The following LHX8 variants were observed in gnomAD, a reference collection of about 807,000 sequenced individuals.
The protein encoded by LHX8 is LIM homeobox 8, also known as LIM/homeobox protein Lhx8.
Under a neutral mutation model 40.3 loss-of-function variants are expected in LHX8, and 12 were observed. That is an observed-to-expected ratio of 0.30 (90% CI 0.19 to 0.48). LHX8 has a LOEUF of 0.48. Among genes scored for constraint, LHX8 ranks in the 20% least tolerant of loss-of-function variants. The pLI is 0.99. For synonymous variants in LHX8, 179 were observed against 162.0 expected, an observed-to-expected ratio of 1.10 and a Z score of -0.80; for missense variants, 344 against 433.7, an observed-to-expected ratio of 0.79 and a Z score of 1.84.
intron 7 of LHX8, among the ~76,000 whole-genome samples, chr1:75,149,300 G>A (rs1043609965): frequency 1.4e-4 from 22 of 152,314 alleles, no homozygotes; most frequent in African/African-American, 4.8e-4. Context: ...TGAAATTGTT[G>A]GAGTTAAAGT....
chr1:75,133,785 A>G (rs988238134), upstream of LHX8, among the ~76,000 whole-genome samples: 3 of 152,206 alleles, frequency 2.0e-5, no homozygotes, highest in East Asian at 5.8e-4. Flanking sequence ...TAGGAGATGA[A>G]AGAGCAATAC....
the LHX8 span, among the ~76,000 whole-genome samples, chr1:75,176,638 A>C: frequency 6.6e-6 from 1 of 152,042 alleles, no homozygotes; most frequent in African/African-American, 2.4e-5. Flanking sequence ...GTTCACTCTG[A>C]TGGTAGTTTC....
the LHX8 span, among the ~76,000 whole-genome samples, chr1:75,197,030 A>G: frequency 1.3e-5 from 2 of 152,218 alleles, no homozygotes; most frequent in Non-Finnish European, 2.9e-5. Context: ...AACGCAGAAC[A>G]AAAAATTGTG....
chr1:75,130,436 A>C (rs1028999727), upstream of LHX8: 2 of 554,054 alleles, frequency 3.6e-6, no homozygotes, highest in African/African-American at 3.8e-5. Flanking sequence ...GCGGGTGGCG[A>C]AGGCAGGGTC....
At chr1:75,169,199 T>C in the LHX8 span, among the ~76,000 whole-genome samples, 1 of 152,132 alleles carries the variant, frequency 6.6e-6, no homozygotes, top group Non-Finnish European at 1.5e-5. Flanking sequence ...CTCTCTTGCT[T>C]CCAGTCACAC....
chr1:75,154,391 G>GTT (rs11354379), intron 7 of LHX8, among the ~76,000 whole-genome samples: 1 of 143,080 alleles, frequency 7.0e-6, no homozygotes, highest in Non-Finnish European at 1.5e-5. Context: ...AAGTTTGAGT[G>GTT]TTTTTTTTTT....
chr1:75,148,858 A>T (rs1467998442), intron 7 of LHX8, among the ~76,000 whole-genome samples, 176 bp downstream of exon 7: 1 of 152,238 alleles, frequency 6.6e-6, no homozygotes, highest in East Asian at 1.9e-4. Flanking sequence ...GATTAACTTA[A>T]AGGTCAATCA....
rs765151290 is a variant in LHX8 at position 75,153,228 on chromosome 1, T to G, written c.781-3665T>G. ...TCAAGCGATTCTCCTGCATCAGCCT[T>G]CTGAGTAGCTGGGACTACAGGTGCG... On this transcript the variant is annotated intron_variant, in intron 7 of 8. Transcript: ENST00000356261. Among the ~76,000 whole-genome samples, 7 of 151,772 alleles carry G rather than the reference T, an allele frequency of 4.6e-5. No individual in the cohort carries two copies. In the South Asian group the frequency reaches 1.0e-3, roughly 23 times the overall value.
chr1:75,172,294 G>T, the LHX8 span, among the ~76,000 whole-genome samples: 297 of 152,210 alleles, frequency 2.0e-3, no homozygotes, highest in African/African-American at 6.5e-3. Flanking sequence ...TACAATTTAG[G>T]AATTATTTTG....
At chr1:75,157,267 GT>G (rs1176958023) in intron 8 of LHX8, among the ~76,000 whole-genome samples, 191 bp downstream of exon 8, 2 of 152,190 alleles carry the variant, frequency 1.3e-5, no homozygotes, top group African/African-American at 4.8e-5. Flanking sequence ...TAAGGAAGAA[GT>G]TTAATACTCA....
At chr1:75,168,655 G>T in the LHX8 span, among the ~76,000 whole-genome samples, 1 of 152,008 alleles carries the variant, frequency 6.6e-6, no homozygotes, top group Admixed American at 6.6e-5. Context: ...TCCTGTTCTG[G>T]CCTCAGGTGC....
At chr1:75,187,958 T>C in the LHX8 span, among the ~76,000 whole-genome samples, 1 of 152,262 alleles carries the variant, frequency 6.6e-6, no homozygotes, top group Non-Finnish European at 1.5e-5. Flanking sequence ...CTTAAACACC[T>C]GCCAGCCCCA....
At chr1:75,166,982 G>A in the LHX8 span, among the ~76,000 whole-genome samples, 1 of 152,216 alleles carries the variant, frequency 6.6e-6, no homozygotes, top group Non-Finnish European at 1.5e-5. Flanking sequence ...AGCTGAGCTG[G>A]CACAGGAGCA....
chr1:75,162,823 A>AT (rs751784942), downstream of LHX8, among the ~76,000 whole-genome samples: 1 of 152,172 alleles, frequency 6.6e-6, no homozygotes, highest in African/African-American at 2.4e-5. Context: ...TTAGGAAAGA[A>AT]TTGAAGTATT....
At chr1:75,154,750 C>T (rs1373893722) in intron 7 of LHX8, among the ~76,000 whole-genome samples, 1 of 152,098 alleles carries the variant, frequency 6.6e-6, no homozygotes, top group African/African-American at 2.4e-5. Context: ...CTCCAGAGAA[C>T]AGGGATGTGG....
the LHX8 span, among the ~76,000 whole-genome samples, chr1:75,181,019 G>A: frequency 5.3e-5 from 7 of 131,246 alleles, no homozygotes; most frequent in Non-Finnish European, 8.7e-5. Flanking sequence ...TATCACCAGC[G>A]TAGGTGCAAA....
chr1:75,168,571 C>T, the LHX8 span, among the ~76,000 whole-genome samples: 3 of 152,140 alleles, frequency 2.0e-5, no homozygotes, highest in African/African-American at 7.2e-5. Flanking sequence ...CTGTCAACCC[C>T]TCTTTTTTTT....
chr1:75,140,629 C>CA (rs1437401774), intron 3 of LHX8, among the ~76,000 whole-genome samples: 3 of 151,616 alleles, frequency 2.0e-5, no homozygotes, highest in East Asian at 1.9e-4. Flanking sequence ...TAAAATATAA[C>CA]AAAAAAAACC....
At chr1:75,143,722 G>T (rs1031668936) in intron 5 of LHX8, 123 bp from the exon 6 acceptor site, 1 of 750,366 alleles carries the variant, frequency 1.3e-6, no homozygotes, top group Non-Finnish European at 2.4e-6. Flanking sequence ...AACTTAAGGG[G>T]TTTTGCCGTC....
Sources: allele counts gnomAD v4.1 joint callset (sites outside exome capture counted in the v4.1 genomes callset), GRCh38; gene constraint gnomAD v4.1.1; transcripts MANE v1.5; gene names NCBI Gene and HGNC (gene_info 2026-07-23, HGNC 2026-07-21).